Variants in NLRP5 observed in about 807,000 individuals in gnomAD.
NLRP5 encodes NLR family pyrin domain containing 5.
In NLRP5, 93 loss-of-function variants were observed where a neutral mutation model predicts 113.1. That is an observed-to-expected ratio of 0.82 (90% CI 0.70 to 0.98). The LOEUF (loss-of-function observed/expected upper bound fraction) is 0.98, where lower values mean the gene tolerates loss of function less well. Ranked by LOEUF, NLRP5 falls within the 50% of genes least tolerant of loss-of-function variation. The pLI is 0.00. For synonymous variants in NLRP5, 751 were observed against 600.7 expected (o/e 1.25, Z -3.66); for missense variants, 1,808 against 1,514.3 (o/e 1.19, Z -3.22).
the NLRP5 span, among the ~76,000 whole-genome samples, chr19:55,986,777 C>G: frequency 0.064 from 9,669 of 151,894 alleles, 344 homozygotes; most frequent in Middle Eastern, 0.096. Context: ...TGATTGCCAG[C>G]TGGCCCAGAG....
rs762721881 is a variant in NLRP5 at position 56,050,597 on chromosome 19, C to T, written c.3128+9C>T. The stretch of plus-strand genomic sequence containing the variant: ...CATCTCCAGGACCTGGAGTGAGTTT[C>T]CCATGGGCGTTGGGTCAACTCTATC... On this transcript the variant is annotated intron_variant, in intron 12 of 14. Coordinates refer to ENST00000390649, the MANE Select transcript of NLRP5 (RefSeq NM_153447.4). The T allele has an allele frequency of 6.2e-7, 1 of 1,612,180 alleles. No individual in the cohort carries two copies. The highest frequency in any genetic ancestry group is 2.2e-5 in the East Asian group (1 of 44,798).
intron 6 of NLRP5, among the ~76,000 whole-genome samples, chr19:56,026,497 C>A (rs1385458196): frequency 5.1e-5 from 6 of 118,090 alleles, no homozygotes; most frequent in Non-Finnish European, 6.6e-5. Flanking sequence ...CACTGCACTC[C>A]AGCCTGGGTG....
chr19:56,000,350 T>C (rs963834305), intron 1 of NLRP5, among the ~76,000 whole-genome samples: 1 of 130,596 alleles, frequency 7.7e-6, no homozygotes, highest in African/African-American at 2.9e-5. Context: ...TACCCACATA[T>C]ATCACCTCAT....
intron 4 of NLRP5, among the ~76,000 whole-genome samples, chr19:56,018,929 G>T (rs887231931): frequency 6.6e-6 from 1 of 152,096 alleles, no homozygotes; most frequent in Non-Finnish European, 1.5e-5. Flanking sequence ...GAGTAGCTGG[G>T]ATTACAGGCA....
chr19:56,057,864 A>G (rs555954961), intron 13 of NLRP5, among the ~76,000 whole-genome samples: 1 of 152,156 alleles, frequency 6.6e-6, no homozygotes, highest in East Asian at 1.9e-4. Context: ...TGTTTCTACT[A>G]AAAATACAAA....
At chr19:56,019,087 C>T (rs1044667424) in intron 4 of NLRP5, among the ~76,000 whole-genome samples, 3 of 152,138 alleles carry the variant, frequency 2.0e-5, no homozygotes, top group African/African-American at 4.8e-5. Context: ...CGAACGACCA[C>T]GCCCAACCTA....
At chr19:56,029,914 G>T (rs1983028035) in intron 7 of NLRP5, among the ~76,000 whole-genome samples, 1 of 150,810 alleles carries the variant, frequency 6.6e-6, no homozygotes, top group Non-Finnish European at 1.5e-5. Flanking sequence ...AATTAGCCAG[G>T]CATGGTGGCG....
At chr19:56,026,154 C>G (rs886487594) in intron 6 of NLRP5, among the ~76,000 whole-genome samples, 2 of 152,082 alleles carry the variant, frequency 1.3e-5, no homozygotes, top group African/African-American at 4.8e-5. Context: ...TAGGAAGAAA[C>G]AAGACCCATG....
rs1477862827 is a variant in NLRP5 at position 56,012,581 on chromosome 19, A to G, written c.509-3161A>G. Among the ~76,000 whole-genome samples the G allele has an allele frequency of 4.0e-5, 6 of 151,690 alleles. No individual in the cohort carries two copies. In the East Asian group the frequency reaches 1.2e-3, roughly 29 times the overall value. ...CTTAGGACATTTCCATAACCCAAAA[A>G]AAAAAAAAAATCCTTCAGCAGAGAC... On this transcript the variant is annotated intron_variant, in intron 3 of 14. Coordinates refer to ENST00000390649, the MANE Select transcript of NLRP5 (RefSeq NM_153447.4).
intron 6 of NLRP5, among the ~76,000 whole-genome samples, chr19:56,021,551 C>T (rs1178361705): frequency 4.6e-5 from 7 of 152,184 alleles, no homozygotes; most frequent in East Asian, 1.9e-4. Flanking sequence ...GATTCCAGAT[C>T]GGTCATGTAG....
At chr19:55,993,230 G>A in the NLRP5 span, among the ~76,000 whole-genome samples, 1 of 151,594 alleles carries the variant, frequency 6.6e-6, no homozygotes, top group African/African-American at 2.4e-5. Flanking sequence ...AAACATTTGT[G>A]TTGTGAACAC....
intron 11 of NLRP5, among the ~76,000 whole-genome samples, chr19:56,041,643 G>GTCATT (rs1002995895): frequency 8.5e-5 from 13 of 152,090 alleles, no homozygotes; most frequent in African/African-American, 3.1e-4. Flanking sequence ...ATGCTAGGAG[G>GTCATT]TCATTTTAAA....
chr19:56,061,657 C>T lies in NLRP5; in HGVS notation c.*129C>T, dbSNP rs1403950203. 9.5e-7 allele frequency: 1 copy of T among 1,054,162 alleles called. No homozygotes were observed. Among genetic ancestry groups the T allele is most frequent in the Admixed American group, 2.0e-5 (1 of 49,756 alleles). The allele number at this position is 1,054,162 out of a possible 1,614,324, so 65.3% of individuals were successfully genotyped here. Reference sequence around the variant, plus strand: ...GAATGATTTCTGATTCTCACAAAGCCCTCAATGGTAGTGATTCTTCTGTGT... The same window carrying T: ...GAATGATTTCTGATTCTCACAAAGCTCTCAATGGTAGTGATTCTTCTGTGT... On this transcript the variant is annotated 3_prime_UTR_variant, in exon 15 of 15. Transcript: ENST00000390649.
intron 6 of NLRP5, among the ~76,000 whole-genome samples, chr19:56,021,798 T>C (rs1982626837): frequency 6.6e-6 from 1 of 152,172 alleles, no homozygotes; most frequent in Non-Finnish European, 1.5e-5. Flanking sequence ...GAGGCAGTGA[T>C]GGAAAGAAGT....
chr19:56,044,426 C>G (rs116178297), intron 11 of NLRP5, among the ~76,000 whole-genome samples: 2 of 152,176 alleles, frequency 1.3e-5, no homozygotes, highest in Non-Finnish European at 2.9e-5. Flanking sequence ...TTTCATTCTC[C>G]GACATGTGGC....
At chr19:56,020,291 G>A in intron 5 of NLRP5, 84 bp from the exon 6 acceptor site, 4 of 1,525,272 alleles carry the variant, frequency 2.6e-6, no homozygotes, top group Non-Finnish European at 3.6e-6. Flanking sequence ...AATAAATATG[G>A]CATGACTAAG....
At chr19:56,022,885 C>T (rs1042549010) in intron 6 of NLRP5, among the ~76,000 whole-genome samples, 14 of 152,224 alleles carry the variant, frequency 9.2e-5, no homozygotes, top group Admixed American at 7.2e-4. Flanking sequence ...CCACCACACC[C>T]GGCTAATTTT....
chr19:56,028,231 G>T lies in NLRP5; in HGVS notation c.1998G>T (p.Leu666=), dbSNP rs781108329. ...CCCTGGGGGTGAAGCAGAAGCTTCTGCACTGGGTCTCTCTGTTGGGTCAGC... is the reference window on the plus strand; with the variant it reads ...CCCTGGGGGTGAAGCAGAAGCTTCTTCACTGGGTCTCTCTGTTGGGTCAGC... The change falls in exon 7 of 15, where the codon CTG becomes CTT. Residue 666 remains leucine, a synonymous_variant. Transcript: ENST00000390649. 2 of 1,613,892 alleles carry T rather than the reference G, an allele frequency of 1.2e-6. No individual in the cohort carries two copies. Among genetic ancestry groups the T allele is most frequent in the Non-Finnish European group, 1.7e-6 (2 of 1,179,908 alleles).
chr19:56,007,116 A>G (rs1289139925), intron 2 of NLRP5, among the ~76,000 whole-genome samples: 2 of 151,456 alleles, frequency 1.3e-5, no homozygotes, highest in African/African-American at 2.5e-5. Context: ...TAATCCCAAT[A>G]CTTTGAGAGT....
Sources: allele counts gnomAD v4.1 joint callset (sites outside exome capture counted in the v4.1 genomes callset), GRCh38; gene constraint gnomAD v4.1.1; transcripts MANE v1.5; gene names NCBI Gene and HGNC (gene_info 2026-07-23, HGNC 2026-07-21).